The following FREM1 variants were observed in gnomAD, a reference collection of about 807,000 sequenced individuals.
FREM1 encodes the protein FRAS1 related extracellular matrix 1.
Under a neutral mutation model 210.1 loss-of-function variants are expected in FREM1, and 220 were observed. The ratio of observed to expected loss-of-function variants is 1.05; its 90% CI spans 0.94 to 1.17. The LOEUF (loss-of-function observed/expected upper bound fraction) is 1.17, where lower values mean the gene tolerates loss of function less well. Ranked by LOEUF, FREM1 falls within the 50% of genes most tolerant of loss-of-function variation. FREM1 has a pLI of 0.00. For missense variants in FREM1, 3,454 were observed against 2,675.5 expected, an observed-to-expected ratio of 1.29 and a Z score of -6.42; for synonymous variants, 1,189 against 980.2, an observed-to-expected ratio of 1.21 and a Z score of -3.98.
At chr9:14,762,085 G>C (rs1376021534) in intron 27 of FREM1, among the ~76,000 whole-genome samples, 1 of 152,136 alleles carries the variant, frequency 6.6e-6, no homozygotes, top group East Asian at 1.9e-4. Flanking sequence ...AGATAGGAGG[G>C]ATTAGTGTGT....
In FREM1 at chr9:14,819,407, A is replaced by C; in HGVS notation, c.2373T>G (p.Gly791=). 1.2e-6 allele frequency: 2 copies of C among 1,613,172 alleles called. No homozygotes were observed. Among genetic ancestry groups the C allele is most frequent in the Non-Finnish European group, 1.7e-6 (2 of 1,179,452 alleles). Residue 791 remains glycine (G), a synonymous_variant, in exon 14 of 37, where the codon GGT becomes GGG. Coordinates refer to ENST00000380880, the MANE Select transcript of FREM1 (RefSeq NM_001379081.2). ...FTNPLKVTEG[G]QSIISTEHIL... is the part of the protein sequence containing the mutation. ...TGTGCTCTGTGCTGATGATGCTTTGACCTCCCTCAGTCACTTTCAGAGGGT... is the reference window on the plus strand; with the variant it reads ...TGTGCTCTGTGCTGATGATGCTTTGCCCTCCCTCAGTCACTTTCAGAGGGT...
At chr9:14,737,672 A>C in intron 36 of FREM1, 77 bp from the exon 37 acceptor site, 1 of 1,203,896 alleles carries the variant, frequency 8.3e-7, no homozygotes, top group Non-Finnish European at 1.1e-6. Flanking sequence ...TGTTGCTCTA[A>C]GCTCAGTTAT....
chr9:14,833,302 G>C (rs1229751728), intron 10 of FREM1, among the ~76,000 whole-genome samples: 1 of 152,132 alleles, frequency 6.6e-6, no homozygotes. Context: ...TAGTTTCTTG[G>C]TCTTCCCCAG....
chr9:14,826,769 G>C (rs559975085), intron 10 of FREM1, among the ~76,000 whole-genome samples: 1 of 152,108 alleles, frequency 6.6e-6, no homozygotes, highest in Non-Finnish European at 1.5e-5. Flanking sequence ...AGGGCTCGAG[G>C]GAATGAATTC....
intron 12 of FREM1, 133 bp from the exon 13 acceptor site, chr9:14,823,460 C>G: frequency 1.3e-6 from 1 of 763,954 alleles, no homozygotes; most frequent in Non-Finnish European, 2.0e-6. Flanking sequence ...TGAAGATTAC[C>G]AAAAGCTCTA....
chr9:14,824,745 T>C (rs1354167817), intron 11 of FREM1, 51 bp downstream of exon 11: 2 of 1,292,384 alleles, frequency 1.5e-6, no homozygotes, highest in African/African-American at 1.5e-5. Context: ...ATTGACACTT[T>C]CAACTTTGCA....
At chr9:14,809,271 A>C (rs1462911262) in intron 16 of FREM1, among the ~76,000 whole-genome samples, 1 of 152,140 alleles carries the variant, frequency 6.6e-6, no homozygotes, top group Non-Finnish European at 1.5e-5. Context: ...AAGTCCATTA[A>C]ACCTCTTTCT....
chr9:14,903,948 C>T (rs1588681525), intron 1 of FREM1, among the ~76,000 whole-genome samples: 1 of 151,924 alleles, frequency 6.6e-6, no homozygotes, highest in African/African-American at 2.4e-5. Context: ...AGTGAAACCG[C>T]GTCTCTACTA....
chr9:14,737,183 G>A lies in FREM1; in HGVS notation c.*213C>T, dbSNP rs1490540430. ...ATACTGCTGGCATTTATTTTAAAAG[G>A]TATTGAGATACAAAAATTGTATCTT... On this transcript the variant is annotated 3_prime_UTR_variant, in exon 37 of 37. Transcript: ENST00000380880. 1.8e-5 allele frequency: 9 copies of A among 487,772 alleles called. No homozygotes were observed. The highest frequency in any genetic ancestry group is 2.9e-5 in the Non-Finnish European group (8 of 278,488). 30.2% of individuals were successfully genotyped at this position (487,772 alleles called of 1,614,324 possible). A position where few individuals can be genotyped will look rare whatever the true frequency, so the allele number is the denominator to read the frequency against.
At chr9:14,753,719 G>C (rs1274997283) in intron 29 of FREM1, among the ~76,000 whole-genome samples, 1 of 152,196 alleles carries the variant, frequency 6.6e-6, no homozygotes, top group Non-Finnish European at 1.5e-5. Context: ...ACCAGACCCA[G>C]AAGAGGCAAG....
intron 36 of FREM1, among the ~76,000 whole-genome samples, chr9:14,738,576 C>T (rs1840834100): frequency 7.3e-6 from 1 of 137,772 alleles, no homozygotes; most frequent in South Asian, 2.4e-4. Flanking sequence ...AATTTAGGGA[C>T]CCACTGAGCA....
intron 23 of FREM1, 77 bp downstream of exon 23, chr9:14,788,842 G>C: frequency 9.1e-7 from 1 of 1,101,832 alleles, no homozygotes; most frequent in East Asian, 2.6e-5. Context: ...GGGAAAGAGA[G>C]AGAAAGAAAC....
intron 10 of FREM1, among the ~76,000 whole-genome samples, chr9:14,840,256 CCATATA>C (rs1175186440): frequency 2.0e-5 from 3 of 152,140 alleles, no homozygotes; most frequent in Non-Finnish European, 4.4e-5. Context: ...TTGCTTGGAT[CCATATA>C]CAGGCTATCT....
At chr9:14,840,547 C>T (rs947141848) in intron 10 of FREM1, among the ~76,000 whole-genome samples, 16 of 152,154 alleles carry the variant, frequency 1.1e-4, no homozygotes, top group Non-Finnish European at 7.3e-5. Context: ...CATCAGATCC[C>T]GTGAGACTTA....
chr9:14,837,472 C>T (rs929301292), intron 10 of FREM1, among the ~76,000 whole-genome samples: 1 of 151,582 alleles, frequency 6.6e-6, no homozygotes, highest in African/African-American at 2.4e-5. Context: ...CACATACACA[C>T]ACACACACAC....
intron 10 of FREM1, among the ~76,000 whole-genome samples, chr9:14,832,507 G>A (rs1449061002): frequency 6.6e-6 from 1 of 152,188 alleles, no homozygotes; most frequent in Non-Finnish European, 1.5e-5. Context: ...TTCCCAATAG[G>A]AAGAGAGGCA....
At chr9:14,909,169 C>A (rs1818303041) in intron 1 of FREM1, among the ~76,000 whole-genome samples, 1 of 151,940 alleles carries the variant, frequency 6.6e-6, no homozygotes, top group Non-Finnish European at 1.5e-5. Flanking sequence ...GCACACCAAG[C>A]AACAAGACTG....
intron 5 of FREM1, among the ~76,000 whole-genome samples, chr9:14,854,527 G>A (rs1337186492): frequency 6.6e-6 from 1 of 151,944 alleles, no homozygotes; most frequent in African/African-American, 2.4e-5. Flanking sequence ...AAAAATATAA[G>A]ACAAAGATTC....
chr9:14,900,263 G>A (rs974631507), intron 1 of FREM1, among the ~76,000 whole-genome samples: 2 of 152,192 alleles, frequency 1.3e-5, no homozygotes, highest in Admixed American at 6.5e-5. Flanking sequence ...TCTGAGTGGG[G>A]CCCAGGCATC....
Sources: gnomAD v4.1 joint callset for allele counts (sites outside exome capture counted in the v4.1 genomes callset) on GRCh38, gnomAD v4.1.1 for gene constraint, MANE v1.5 for transcripts, NCBI Gene and HGNC (gene_info 2026-07-23, HGNC 2026-07-21) for gene names.